ULK2: variants seen among roughly 807,000 people sequenced by gnomAD.
The protein encoded by ULK2 is unc-51 like autophagy activating kinase 2.
In ULK2, 76 loss-of-function variants were observed where a neutral mutation model predicts 127.5. The observed-to-expected ratio is 0.60, with a 90% CI of 0.50 to 0.72. The LOEUF (loss-of-function observed/expected upper bound fraction) is 0.72. Ranked by LOEUF, ULK2 falls within the 30% of genes least tolerant of loss-of-function variation. ULK2 has a pLI of 0.00. For missense variants in ULK2, 1,144 were observed against 1,295.9 expected (o/e 0.88, Z 1.80); for synonymous variants, 452 against 461.9 (o/e 0.98, Z 0.28).
intron 13 of ULK2, among the ~76,000 whole-genome samples, chr17:19,815,130 C>T (rs986034737): frequency 2.0e-5 from 3 of 152,088 alleles, no homozygotes; most frequent in Non-Finnish European, 4.4e-5. Flanking sequence ...TATAAAAACA[C>T]AAAAACCCTG....
At chr17:19,786,400 C>T (rs1324884060) in intron 20 of ULK2, among the ~76,000 whole-genome samples, 2 of 152,020 alleles carry the variant, frequency 1.3e-5, no homozygotes, top group Non-Finnish European at 2.9e-5. Context: ...AAAATGAACG[C>T]CAAGAACTGG....
chr17:19,845,514 C>CA, intron 6 of ULK2, 137 bp from the exon 7 acceptor site: 554 of 579,104 alleles, frequency 9.6e-4, no homozygotes, highest in Middle Eastern at 1.6e-3. Context: ...GACTGTCCAC[C>CA]AAAAAAAAAG....
At chr17:19,787,003 CTT>C (rs71157832) in intron 20 of ULK2, among the ~76,000 whole-genome samples, 5 of 145,562 alleles carry the variant, frequency 3.4e-5, no homozygotes, top group Admixed American at 2.0e-4. Flanking sequence ...CATTTATTTA[CTT>C]TTTTTTTTTT....
At chr17:19,808,207 G>C (rs945418045) in intron 14 of ULK2, among the ~76,000 whole-genome samples, 1 of 152,120 alleles carries the variant, frequency 6.6e-6, no homozygotes. Flanking sequence ...AAATGGTGCT[G>C]GGAAAATTGG....
In ULK2 at chr17:19,772,551, AT is replaced by A. The variant is rs142890728; in HGVS notation, c.*3797del. 1 of 152,350 alleles carries A rather than the reference AT, an allele frequency of 6.6e-6. No homozygotes were observed. Among genetic ancestry groups the A allele is most frequent in the East Asian group, 1.9e-4 (1 of 5,190 alleles). The allele number at this position is 152,350 out of a possible 1,614,324, so 9.4% of individuals were successfully genotyped here. A position where few individuals can be genotyped will look rare whatever the true frequency, so the allele number is the denominator to read the frequency against. Reference sequence around the variant, plus strand: ...CTGAGCAGTAGCTACTGCCTGCCAAATAATCCTCCTTGAGAAATACTGATCA... The same window carrying A: ...CTGAGCAGTAGCTACTGCCTGCCAAAAATCCTCCTTGAGAAATACTGATCA... On this transcript the variant is annotated 3_prime_UTR_variant, in exon 27 of 27. Transcript: ENST00000395544.
rs192799195 is a variant in ULK2 at position 19,834,853 on chromosome 17, T to C, written c.787+3648A>G. ...TGAGCCCAGGAGGTCAAGGCTGCAG[T>C]GAGGCTTGTTTTTACCACCGTACTT... On this transcript the variant is annotated intron_variant, in intron 10 of 26. Transcript: ENST00000395544. Among the ~76,000 whole-genome samples the C allele has an allele frequency of 7.3e-5, 11 of 150,732 alleles. No individual in the cohort carries two copies. In the East Asian group the frequency reaches 1.7e-3, roughly 24 times the overall value.
intron 20 of ULK2, among the ~76,000 whole-genome samples, chr17:19,795,016 T>C (rs2087236680): frequency 2.0e-5 from 3 of 151,948 alleles, no homozygotes; most frequent in Admixed American, 6.6e-5. Flanking sequence ...GAGGCGGAGC[T>C]TGCAGTGAGC....
chr17:19,814,456 T>TTGTTGTTGTTTGTTTG (rs1555557154), intron 13 of ULK2, among the ~76,000 whole-genome samples: 7 of 18,254 alleles, frequency 3.8e-4, no homozygotes, highest in African/African-American at 1.3e-3. Context: ...TTTTTTTTTT[T>TTGTTGTTGTTTGTTTG]TTTTTTTGGA....
chr17:19,797,447 A>G lies in ULK2; in HGVS notation c.1758T>C (p.Ser586=), dbSNP rs1356116111. Residue 586 remains serine, a synonymous_variant, in exon 18 of 27, where the codon TCT becomes TCC. Transcript: ENST00000395544. The part of the protein sequence containing the change: ...TKHLGSSPRS[S]DWFFKTPLPT... ...GCAAAGGAGTTTTAAAGAACCAGTCAGAACTCCGTGGAGAGGACCCCAAGT... is the reference window on the plus strand; with the variant it reads ...GCAAAGGAGTTTTAAAGAACCAGTCGGAACTCCGTGGAGAGGACCCCAAGT... 2 of 1,614,050 alleles carry G rather than the reference A, an allele frequency of 1.2e-6. No individual in the cohort carries two copies. Among genetic ancestry groups the G allele is most frequent in the East Asian group, 4.5e-5 (2 of 44,850 alleles).
intron 3 of ULK2, among the ~76,000 whole-genome samples, chr17:19,858,362 C>CA (rs2042175066): frequency 6.6e-6 from 1 of 151,666 alleles, no homozygotes; most frequent in Non-Finnish European, 1.5e-5. Context: ...GTCATGCCAC[C>CA]ACACTCCAGC....
At chr17:19,863,216 A>G (rs1033706201) in intron 3 of ULK2, among the ~76,000 whole-genome samples, 83 of 148,910 alleles carry the variant, frequency 5.6e-4, no homozygotes, top group African/African-American at 1.9e-3. Context: ...ACTGTCTCCA[A>G]AAAAAAAAAA....
intron 18 of ULK2, among the ~76,000 whole-genome samples, chr17:19,796,792 C>A (rs115038502): frequency 6.6e-6 from 1 of 152,108 alleles, no homozygotes; most frequent in Non-Finnish European, 1.5e-5. Context: ...TCAGGGTCTG[C>A]GGGTGAGACC....
intron 20 of ULK2, 95 bp downstream of exon 20, chr17:19,795,527 C>T (rs2087250201): frequency 1.9e-6 from 2 of 1,029,786 alleles, no homozygotes; most frequent in Non-Finnish European, 3.0e-6. Context: ...TTGTTTTATG[C>T]CACCAAGCAT....
chr17:19,770,895 G>T lies in ULK2; in HGVS notation c.*5454C>A, dbSNP rs1379742279. 6.6e-6 allele frequency: 1 copy of T among 152,194 alleles called. No individual in the cohort carries two copies. The highest frequency in any genetic ancestry group is 1.5e-5 in the Non-Finnish European group (1 of 68,034). 9.4% of individuals were successfully genotyped at this position (152,194 alleles called of 1,614,324 possible). A position where few individuals can be genotyped will look rare whatever the true frequency, so the allele number is the denominator to read the frequency against. On this transcript the variant is annotated 3_prime_UTR_variant, in exon 27 of 27. Transcript: ENST00000395544. ...AGTCTTTTTTACTGGGAGTTTCAGG[G>T]TGGTCTCTGAAATCCATTGCTGTTG...
intron 6 of ULK2, among the ~76,000 whole-genome samples, chr17:19,846,392 C>A (rs2041882767): frequency 6.6e-6 from 1 of 152,026 alleles, no homozygotes; most frequent in African/African-American, 2.4e-5. Flanking sequence ...GTAATCCCAG[C>A]ACTTGCGGAA....
At chr17:19,787,570 AATG>A (rs945790495) in intron 20 of ULK2, among the ~76,000 whole-genome samples, 18 of 152,266 alleles carry the variant, frequency 1.2e-4, no homozygotes, top group Admixed American at 1.2e-3. Context: ...GATAACCAGA[AATG>A]ATAAGTAAGA....
At chr17:19,804,950 C>T in intron 14 of ULK2, 120 bp from the exon 15 acceptor site, 1 of 1,098,924 alleles carries the variant, frequency 9.1e-7, no homozygotes, top group Non-Finnish European at 1.2e-6. Flanking sequence ...ACTCCACTAC[C>T]TTAATAAGAA....
intron 23 of ULK2, 120 bp downstream of exon 23, chr17:19,781,769 T>G: frequency 1.7e-6 from 2 of 1,161,642 alleles, no homozygotes; most frequent in Non-Finnish European, 2.4e-6. Flanking sequence ...AAGAAATAAT[T>G]GAGACTCCTA....
chr17:19,797,511 G>A lies in ULK2; in HGVS notation c.1694C>T (p.Pro565Leu). The A allele has an allele frequency of 1.2e-6, 2 of 1,613,948 alleles. No individual in the cohort carries two copies. The highest frequency in any genetic ancestry group is 1.7e-6 in the Non-Finnish European group (2 of 1,180,022). Reference protein sequence around the residue: ...TGAGYSYSPQPSRPGSLGTSP... With the variant: ...TGAGYSYSPQLSRPGSLGTSP... Reference sequence around the variant, plus strand: ...AGTTCCAAGGCTGCCAGGCCGACTGGGCTGAGGCGAGTAGCTGTACCCAGC... The same window carrying A: ...AGTTCCAAGGCTGCCAGGCCGACTGAGCTGAGGCGAGTAGCTGTACCCAGC... The change falls in exon 18 of 27, where the codon CCC becomes CTC. Residue 565 changes from proline to leucine, a missense_variant. Transcript: ENST00000395544.
Sources: gnomAD v4.1 joint callset for allele counts (sites outside exome capture counted in the v4.1 genomes callset) on GRCh38, gnomAD v4.1.1 for gene constraint, MANE v1.5 for transcripts, NCBI Gene and HGNC (gene_info 2026-07-23, HGNC 2026-07-21) for gene names.